The following GRID1 variants were observed in gnomAD, a reference collection of about 807,000 sequenced individuals.
The protein encoded by GRID1 is glutamate receptor ionotropic, delta-1.
In GRID1, 28 loss-of-function variants were observed where a neutral mutation model predicts 98.0. The observed-to-expected ratio is 0.29, with a 90% confidence interval of 0.21 to 0.39. The LOEUF (loss-of-function observed/expected upper bound fraction) is 0.39, where lower values mean the gene tolerates loss of function less well. Ranked by LOEUF, GRID1 falls within the 10% of genes least tolerant of loss-of-function variation. The pLI is 1.00. For synonymous variants in GRID1, 553 were observed against 538.5 expected (o/e 1.03, Z -0.37); for missense variants, 1,111 against 1,340.5 (o/e 0.83, Z 2.67).
intron 2 of GRID1, among the ~76,000 whole-genome samples, chr10:86,244,039 T>C (rs1193266231): frequency 6.6e-6 from 1 of 152,242 alleles, no homozygotes; most frequent in Non-Finnish European, 1.5e-5. Flanking sequence ...TGTGCACACC[T>C]GTATACACAT....
At chr10:86,259,338 TCTC>T (rs1191401775) in intron 2 of GRID1, among the ~76,000 whole-genome samples, 1 of 152,192 alleles carries the variant, frequency 6.6e-6, no homozygotes, top group African/African-American at 2.4e-5. Flanking sequence ...TCTCTCTCTC[TCTC>T]CTCTCTCCTT....
chr10:85,869,027 A>C lies in GRID1; in HGVS notation c.934T>G (p.Tyr312Asp), dbSNP rs1451126049. 2 of 1,613,676 alleles carry C rather than the reference A, an allele frequency of 1.2e-6. No homozygotes were observed. The highest frequency in any genetic ancestry group is 1.7e-6 in the Non-Finnish European group (2 of 1,179,890). Residue 312 changes from tyrosine (Y) to aspartate (D), a missense_variant, in exon 6 of 16, where the codon TAC becomes GAC. By Grantham distance (160) the Tyr-to-Asp change is radical. Around this residue, in one of 3 missense-constraint regions of GRID1, gnomAD observed 346 missense variants for 452.3 expected, o/e 0.76. Transcript: ENST00000327946. Reference protein sequence around the residue: ...SSLLCDPQEGYLQMLQISNLY... With the variant: ...SSLLCDPQEGDLQMLQISNLY... ...GCACTGACCTGCAGCATCTGGAGGT[A>C]GCCTTCCTGGGGGTCGCAGAGCAGG...
At position 85,723,142 on chromosome 10, in the gene GRID1, C is replaced by T; in HGVS notation, c.1859-1G>A. Reference sequence around the variant, plus strand: ...ATGGAGTTCACGGAAGATTCGCCACCTGCGGGAGGCAGACAAAGTGGATTG... The same window carrying T: ...ATGGAGTTCACGGAAGATTCGCCACTTGCGGGAGGCAGACAAAGTGGATTG... On this transcript the variant is annotated splice_acceptor_variant, in intron 11 of 15. Coordinates refer to ENST00000327946, the MANE Select transcript of GRID1 (RefSeq NM_017551.3). LOFTEE classifies it high-confidence loss of function. 6.2e-7 allele frequency: 1 copy of T among 1,604,056 alleles called. No individual in the cohort carries two copies.
At chr10:86,228,500 T>C (rs1401107937) in intron 2 of GRID1, among the ~76,000 whole-genome samples, 1 of 152,014 alleles carries the variant, frequency 6.6e-6, no homozygotes, top group Non-Finnish European at 1.5e-5. Context: ...CTTCCAGCAA[T>C]CAGCCTCAAT....
intron 2 of GRID1, among the ~76,000 whole-genome samples, chr10:86,295,462 G>T (rs567436354): frequency 6.6e-6 from 1 of 152,298 alleles, no homozygotes; most frequent in East Asian, 1.9e-4. Context: ...GCAGGTGTGG[G>T]GATGGAGCAT....
intron 2 of GRID1, among the ~76,000 whole-genome samples, chr10:86,302,589 T>G (rs1847705016): frequency 6.6e-6 from 1 of 152,110 alleles, no homozygotes; most frequent in Non-Finnish European, 1.5e-5. Context: ...TCCTGTATGC[T>G]TACCACAAAT....
chr10:86,144,992 T>A (rs1335174209), intron 3 of GRID1, among the ~76,000 whole-genome samples: 3 of 152,234 alleles, frequency 2.0e-5, no homozygotes, highest in Non-Finnish European at 2.9e-5. Context: ...GACCCTAGCA[T>A]CTGCCCTCTA....
intron 5 of GRID1, among the ~76,000 whole-genome samples, chr10:85,879,645 A>T (rs531590989): frequency 6.6e-6 from 1 of 152,280 alleles, no homozygotes; most frequent in East Asian, 1.9e-4. Context: ...AATTTATAGC[A>T]CTAAATGCCC....
At chr10:85,680,510 G>GT (rs1397797722) in intron 12 of GRID1, among the ~76,000 whole-genome samples, 1 of 152,216 alleles carries the variant, frequency 6.6e-6, no homozygotes, top group East Asian at 1.9e-4. Context: ...AAGGGAACGC[G>GT]TATACATCAT....
At chr10:85,706,717 C>T (rs1160147459) in intron 12 of GRID1, among the ~76,000 whole-genome samples, 1 of 152,188 alleles carries the variant, frequency 6.6e-6, no homozygotes, top group Non-Finnish European at 1.5e-5. Context: ...AACAATACTA[C>T]AAGGCTACAG....
intron 4 of GRID1, among the ~76,000 whole-genome samples, chr10:85,993,254 G>C (rs1253990269): frequency 1.3e-5 from 2 of 152,174 alleles, no homozygotes; most frequent in African/African-American, 4.8e-5. Flanking sequence ...GGCAGAATCT[G>C]TGCAGGTGCA....
At chr10:85,792,222 T>G (rs2132742214) in intron 8 of GRID1, among the ~76,000 whole-genome samples, 1 of 152,278 alleles carries the variant, frequency 6.6e-6, no homozygotes, top group South Asian at 2.1e-4. Flanking sequence ...AGATCCGCCC[T>G]GATGCTCGAA....
At position 86,087,111 on chromosome 10, in the gene GRID1, C is replaced by G. The variant is rs192762113; in HGVS notation, c.726+51708G>C. Among the ~76,000 whole-genome samples, 202 of 152,270 alleles carry G rather than the reference C, an allele frequency of 1.3e-3. 1 individual carries two copies. The highest frequency in any genetic ancestry group is 4.6e-3 in the African/African-American group (192 of 41,534). ...ACATGGAAGGCATGGGGCATGGAAC[C>G]AATACAAGCTTCTGATTCCTTTGTA... On this transcript the variant is annotated intron_variant, in intron 4 of 15. Transcript: ENST00000327946.
At chr10:85,731,799 CAAA>C (rs554781772) in intron 8 of GRID1, among the ~76,000 whole-genome samples, 1 of 63,782 alleles carries the variant, frequency 1.6e-5, no homozygotes, top group Non-Finnish European at 3.1e-5. Flanking sequence ...GAGACCCTGA[CAAA>C]AAAAAAAAAA....
At chr10:85,816,646 A>G (rs1243035133) in intron 8 of GRID1, among the ~76,000 whole-genome samples, 5 of 152,234 alleles carry the variant, frequency 3.3e-5, no homozygotes, top group African/African-American at 1.2e-4. Flanking sequence ...ATAAAACCGC[A>G]CACCACAAAA....
intron 4 of GRID1, among the ~76,000 whole-genome samples, chr10:85,974,297 G>A (rs963026757): frequency 6.6e-6 from 1 of 151,986 alleles, no homozygotes. Flanking sequence ...GTTTTGTTTT[G>A]TTTTGTTTTG....
intron 8 of GRID1, among the ~76,000 whole-genome samples, chr10:85,842,651 A>G (rs1842971507): frequency 6.6e-6 from 1 of 152,108 alleles, no homozygotes; most frequent in South Asian, 2.1e-4. Flanking sequence ...ACAAGTTAGA[A>G]GAAATGACCA....
At position 85,706,333 on chromosome 10, in the gene GRID1, G is replaced by A. The variant is rs575243609; in HGVS notation, c.1997+16670C>T. Among the ~76,000 whole-genome samples, 5 of 152,296 alleles carry A rather than the reference G, an allele frequency of 3.3e-5. 1 individual carries two copies. In the South Asian group the frequency reaches 8.3e-4, roughly 25 times the overall value. On this transcript the variant is annotated intron_variant, in intron 12 of 15. Transcript: ENST00000327946. ...CACACCAATAACAGACAAACAGAGA[G>A]CCAAATCATGAGTGAACTCCCATTC...
intron 4 of GRID1, among the ~76,000 whole-genome samples, chr10:86,076,837 C>T (rs1843889314): frequency 7.3e-6 from 1 of 137,196 alleles, no homozygotes; most frequent in Non-Finnish European, 1.6e-5. Flanking sequence ...CCTTCCTTGG[C>T]TTGTGGCAGC....
Sources: allele counts gnomAD v4.1 joint callset (sites outside exome capture counted in the v4.1 genomes callset), GRCh38; gene constraint gnomAD v4.1.1; regional missense constraint gnomAD v4.1.1; transcripts MANE v1.5; gene names NCBI Gene and HGNC (gene_info 2026-07-23, HGNC 2026-07-21).